Variants in SLCO3A1 observed in about 807,000 individuals in gnomAD.
SLCO3A1 encodes the protein PGE1 transporter.
Under a neutral mutation model 63.1 loss-of-function variants are expected in SLCO3A1, and 27 were observed. The ratio of observed to expected loss-of-function variants is 0.43; its 90% confidence interval spans 0.32 to 0.59. The LOEUF is 0.59. Among genes scored for constraint, SLCO3A1 ranks in the 20% least tolerant of loss-of-function variants. The probability of loss-of-function intolerance (pLI) is 0.09; values close to 1 mark genes in which losing one functional copy is unlikely to be tolerated. For missense variants in SLCO3A1, 773 were observed against 945.8 expected, an observed-to-expected ratio of 0.82 and a Z score of 2.40; for synonymous variants, 473 against 409.9, an observed-to-expected ratio of 1.15 and a Z score of -1.86.
chr15:91,971,835 C>T (rs1900887396), intron 2 of SLCO3A1, among the ~76,000 whole-genome samples: 1 of 91,376 alleles, frequency 1.1e-5, no homozygotes, highest in African/African-American at 3.0e-5. Flanking sequence ...GCAGTGGCTC[C>T]GTATTCAACA....
At chr15:91,927,850 T>C (rs536830978) in intron 2 of SLCO3A1, among the ~76,000 whole-genome samples, 2 of 152,352 alleles carry the variant, frequency 1.3e-5, no homozygotes, top group Admixed American at 6.5e-5. Context: ...TAAAATTGCG[T>C]ATGGACACTG....
At chr15:92,171,788 T>G in exon 11 of SLCO3A1, 1 of 1,550,696 alleles carries the variant, frequency 6.4e-7, no homozygotes, top group Non-Finnish European at 8.7e-7. Context: ...AGGCACAGAG[T>G]ACCAAGACAT....
chr15:91,989,255 C>G (rs2046095061), intron 2 of SLCO3A1, among the ~76,000 whole-genome samples: 1 of 152,220 alleles, frequency 6.6e-6, no homozygotes, highest in South Asian at 2.1e-4. Context: ...CTTCCCTGTT[C>G]CATCTTCTTT....
chr15:92,028,935 G>GTGTGTGTGTGTGTGTGTA (rs2046611380), intron 2 of SLCO3A1, among the ~76,000 whole-genome samples: 1 of 151,586 alleles, frequency 6.6e-6, no homozygotes, highest in African/African-American at 2.4e-5. Flanking sequence ...GTGTGTGTGT[G>GTGTGTGTGTGTGTGTGTA]TGTGTGTGTA....
intron 2 of SLCO3A1, among the ~76,000 whole-genome samples, chr15:91,919,225 G>A (rs976368499): frequency 6.6e-6 from 1 of 152,198 alleles, no homozygotes; most frequent in Non-Finnish European, 1.5e-5. Flanking sequence ...GAATCAAGCC[G>A]ATATTTTCCA....
Position 92,162,833 on chromosome 15 carries a change from C to A in SLCO3A1, c.1831C>A (p.Gln611Lys), listed in dbSNP as rs201801796. The change falls in exon 10 of 10, where the codon CAA becomes AAA. Residue 611 changes from glutamine (Q) to lysine (K), a missense_variant. Physicochemically the swap from Gln to Lys is moderately conservative, Grantham distance 53. Coordinates refer to ENST00000318445, the MANE Select transcript of SLCO3A1 (RefSeq NM_013272.4). ...CLFWSTFCGE[Q>K]GACVLYDNVV... ...GTTCTGGAGCACGTTCTGTGGGGAG[C>A]AAGGCGCCTGCGTCCTCTACGACAA... is the stretch of plus-strand genomic sequence containing the variant. The A allele has an allele frequency of 7.9e-5, 128 of 1,614,092 alleles. No individual in the cohort carries two copies. The highest frequency in any genetic ancestry group is 1.6e-4 in the Middle Eastern group (1 of 6,084).
In SLCO3A1 at chr15:91,894,630, C is replaced by T. The variant is rs535931096; in HGVS notation, c.181-21363C>T. On this transcript the variant is annotated intron_variant, in intron 1 of 9. Transcript: ENST00000318445. This position sits in a 1 kb window ranked among gnomAD's most constrained non-coding sequence, Gnocchi z 4.8. ...TGAAGACCCGTGTAGCCCGAGGCAG[C>T]ATTTTTGACTTGAATGTTCATATGT... Among the ~76,000 whole-genome samples, 6 of 152,280 alleles carry T rather than the reference C, an allele frequency of 3.9e-5. No individual in the cohort carries two copies. In the East Asian group the frequency reaches 1.2e-3, roughly 29 times the overall value.
At position 91,863,973 on chromosome 15, in the gene SLCO3A1, GA is replaced by G. The variant is rs1897106625; in HGVS notation, c.180+9886del. Among the ~76,000 whole-genome samples, 1 of 152,208 alleles carries G rather than the reference GA, an allele frequency of 6.6e-6. No individual in the cohort carries two copies. The highest frequency in any genetic ancestry group is 6.5e-5 in the Admixed American group (1 of 15,286). Reference sequence around the variant, plus strand: ...TGCCAAGCTGTATACATGCATCAAGGAGATGCATATAAATAGATCAAAAAGC... The same window carrying G: ...TGCCAAGCTGTATACATGCATCAAGGGATGCATATAAATAGATCAAAAAGC... On this transcript the variant is annotated intron_variant, in intron 1 of 9. Coordinates refer to ENST00000318445, the MANE Select transcript of SLCO3A1 (RefSeq NM_013272.4). This position sits in a 1 kb window ranked among gnomAD's most constrained non-coding sequence, Gnocchi z 4.3.
intron 4 of SLCO3A1, among the ~76,000 whole-genome samples, chr15:92,115,264 G>C (rs1034458912): frequency 2.0e-5 from 3 of 152,068 alleles, no homozygotes; most frequent in Non-Finnish European, 2.9e-5. Context: ...GGAGGTAGGA[G>C]CTCTTCTTGA....
intron 5 of SLCO3A1, among the ~76,000 whole-genome samples, chr15:92,125,108 A>G (rs2047905639): frequency 6.6e-6 from 1 of 152,028 alleles, no homozygotes. Context: ...CCCTTATTAT[A>G]TTTTCTCACC....
At chr15:92,003,071 T>G (rs554070083) in intron 2 of SLCO3A1, among the ~76,000 whole-genome samples, 1 of 152,332 alleles carries the variant, frequency 6.6e-6, no homozygotes, top group South Asian at 2.1e-4. Context: ...GCCTCCCCTG[T>G]GAACCCTGTG....
chr15:92,119,102 GGTT>G (rs139040957), intron 4 of SLCO3A1, among the ~76,000 whole-genome samples: 22,323 of 152,048 alleles, frequency 0.15, 1,709 homozygotes, highest in Non-Finnish European at 0.17. Context: ...GAAATGACAG[GGTT>G]GTCCTGGTGC....
intron 2 of SLCO3A1, among the ~76,000 whole-genome samples, chr15:91,943,846 C>G (rs1045889273): frequency 6.6e-6 from 1 of 152,164 alleles, no homozygotes; most frequent in African/African-American, 2.4e-5. Context: ...CCAGCTCTTG[C>G]TGGATTCCAA....
intron 2 of SLCO3A1, among the ~76,000 whole-genome samples, chr15:92,032,532 G>A (rs1401335689): frequency 6.6e-6 from 1 of 152,168 alleles, no homozygotes; most frequent in African/African-American, 2.4e-5. Context: ...AGCTGGAAGG[G>A]AGGGATTTTG....
rs997850454 is a variant in SLCO3A1 at position 91,859,375 on chromosome 15, G to A, written c.180+5287G>A. 6.6e-6 allele frequency among the ~76,000 whole-genome samples: 1 copy of A among 152,128 alleles called. No homozygotes were observed. Among genetic ancestry groups the A allele is most frequent in the Non-Finnish European group, 1.5e-5 (1 of 68,026 alleles). On this transcript the variant is annotated intron_variant, in intron 1 of 9. Coordinates refer to ENST00000318445, the MANE Select transcript of SLCO3A1 (RefSeq NM_013272.4). The surrounding 1 kb of genome is among the most constrained non-coding windows in gnomAD (Gnocchi z 5.1). ...AACAGATATAAACAGGAAAAACAGTGGAATCATGGACCTTGGCTCATAGGA... is the reference window on the plus strand; with the variant it reads ...AACAGATATAAACAGGAAAAACAGTAGAATCATGGACCTTGGCTCATAGGA...
At position 92,162,871 on chromosome 15, in the gene SLCO3A1, A is replaced by C. The variant is rs1345679014; in HGVS notation, c.1869A>C (p.Arg623=). Reference sequence around the variant, plus strand: ...TCCTCTACGACAATGTGGTCTACCGATACCTGTATGTCAGCATCGCCATCG... The same window carrying C: ...TCCTCTACGACAATGTGGTCTACCGCTACCTGTATGTCAGCATCGCCATCG... ...ACVLYDNVVY[R]YLYVSIAIAL... The change falls in exon 10 of 10, where the codon CGA becomes CGC. Residue 623 remains arginine, a synonymous_variant. Transcript: ENST00000318445. 1 of 1,614,184 alleles carries C rather than the reference A, an allele frequency of 6.2e-7. No homozygotes were observed. The highest frequency in any genetic ancestry group is 8.5e-7 in the Non-Finnish European group (1 of 1,180,030).
At chr15:91,960,059 C>T (rs997831855) in intron 2 of SLCO3A1, among the ~76,000 whole-genome samples, 1 of 152,120 alleles carries the variant, frequency 6.6e-6, no homozygotes, top group South Asian at 2.1e-4. Context: ...TCTCGGCTCA[C>T]TGCAACCTCC....
chr15:91,926,609 G>GCGCGCGCGCGCGCGC (rs1337407319), intron 2 of SLCO3A1, among the ~76,000 whole-genome samples: 1 of 150,032 alleles, frequency 6.7e-6, no homozygotes, highest in African/African-American at 2.4e-5. Context: ...GCGCGCGCAC[G>GCGCGCGCGCGCGCGC]CCCATGCTTA....
intron 1 of SLCO3A1, among the ~76,000 whole-genome samples, chr15:91,877,161 G>T (rs1246600066): frequency 6.6e-6 from 1 of 152,174 alleles, no homozygotes. Context: ...TGATGTGAAA[G>T]AATCTTTTCC....
Sources: gnomAD v4.1 joint callset for allele counts (sites outside exome capture counted in the v4.1 genomes callset) on GRCh38, gnomAD v4.1.1 for gene constraint, Gnocchi (gnomAD v3.1) non-coding constraint, MANE v1.5 for transcripts, NCBI Gene and HGNC (gene_info 2026-07-23, HGNC 2026-07-21) for gene names.